Variants in AFF4 observed in about 807,000 individuals in gnomAD.
The protein encoded by AFF4 is ALF transcription elongation factor 4.
In AFF4, 13 loss-of-function variants were observed where a neutral mutation model predicts 124.8. The ratio of observed to expected loss-of-function variants is 0.10; its 90% CI spans 0.07 to 0.17. The LOEUF (loss-of-function observed/expected upper bound fraction) is 0.17. Among genes scored for constraint, AFF4 ranks in the 10% least tolerant of loss-of-function variants. AFF4 has a pLI of 1.00. For synonymous variants in AFF4, 477 were observed against 496.1 expected, an observed-to-expected ratio of 0.96 and a Z score of 0.51; for missense variants, 1,092 against 1,403.8, an observed-to-expected ratio of 0.78 and a Z score of 3.55.
At chr5:132,949,847 CAAAAAAAAAA>C (rs113489900) in intron 1 of AFF4, among the ~76,000 whole-genome samples, 1 of 100,200 alleles carries the variant, frequency 1.0e-5, no homozygotes, top group African/African-American at 3.4e-5. Flanking sequence ...GACTCTGTCT[CAAAAAAAAAA>C]AAAAAAAAAA....
intron 5 of AFF4, among the ~76,000 whole-genome samples, chr5:132,916,338 G>A (rs1302096977): frequency 2.6e-5 from 4 of 151,562 alleles, no homozygotes; most frequent in Non-Finnish European, 4.4e-5. Flanking sequence ...TTAGACAGGA[G>A]GATTGCTTTA....
In AFF4 at chr5:132,949,539, C is replaced by T. The variant is rs890300037; in HGVS notation, c.-4-12346G>A. ...AAAAATGTAAAAATTAGGCCAGGCA[C>T]GGTGCCTCAAGCCTGTAATCCCAGC... On this transcript the variant is annotated intron_variant, in intron 1 of 20. Transcript: ENST00000265343. Among the ~76,000 whole-genome samples the T allele has an allele frequency of 6.6e-5, 10 of 151,964 alleles. No individual in the cohort carries two copies. The East Asian group carries it at 1.2e-3, about 18-fold the overall frequency.
intron 9 of AFF4, 41 bp downstream of exon 9, chr5:132,899,063 C>T (rs1340174297): frequency 6.3e-7 from 1 of 1,587,760 alleles, no homozygotes; most frequent in Admixed American, 1.7e-5. Flanking sequence ...TCAGGCTGAC[C>T]CAACTCTTAC....
intron 5 of AFF4, among the ~76,000 whole-genome samples, chr5:132,905,123 C>T (rs1331198699): frequency 6.6e-6 from 1 of 151,504 alleles, no homozygotes; most frequent in Non-Finnish European, 1.5e-5. Context: ...TGTCATTTTA[C>T]TCCCTCCTTC....
At position 132,931,544 on chromosome 5, in the gene AFF4, C is replaced by T. The variant is rs187844397; in HGVS notation, c.963+634G>A. On this transcript the variant is annotated intron_variant, in intron 4 of 20. Coordinates refer to ENST00000265343, the MANE Select transcript of AFF4 (RefSeq NM_014423.4). The stretch of plus-strand genomic sequence containing the variant: ...ATCATAATGGTTTGACTGATAACTA[C>T]TGAGTTTTTTGCACTTCAAATTATT... Among the ~76,000 whole-genome samples the T allele has an allele frequency of 7.9e-4, 121 of 152,352 alleles. 1 individual carries two copies. Among genetic ancestry groups the T allele is most frequent in the African/African-American group, 2.8e-3 (115 of 41,588 alleles).
At chr5:132,959,767 T>TC (rs1350713554) in intron 1 of AFF4, among the ~76,000 whole-genome samples, 1 of 137,862 alleles carries the variant, frequency 7.3e-6, no homozygotes, top group African/African-American at 2.8e-5. Context: ...CTTTTTTTTT[T>TC]TTTTTTTTTT....
At chr5:132,951,045 CA>C (rs1269023324) in intron 1 of AFF4, among the ~76,000 whole-genome samples, 2 of 152,110 alleles carry the variant, frequency 1.3e-5, no homozygotes, top group African/African-American at 2.4e-5. Flanking sequence ...GCCAACATGG[CA>C]AAACCCTGTC....
At chr5:132,938,938 T>C (rs1224654607) in intron 1 of AFF4, among the ~76,000 whole-genome samples, 6 of 41,732 alleles carry the variant, frequency 1.4e-4, no homozygotes, top group African/African-American at 5.4e-4. Context: ...GAGAGACTCA[T>C]CTCAAAAAAA....
intron 5 of AFF4, among the ~76,000 whole-genome samples, chr5:132,907,503 C>G (rs981308724): frequency 6.6e-6 from 1 of 152,130 alleles, no homozygotes; most frequent in East Asian, 1.9e-4. Context: ...TGCAAGTACT[C>G]ACGCAAATCA....
At chr5:132,914,562 C>T (rs1264947112) in intron 5 of AFF4, among the ~76,000 whole-genome samples, 3 of 151,584 alleles carry the variant, frequency 2.0e-5, no homozygotes, top group East Asian at 3.9e-4. Context: ...GATCACGCCA[C>T]TGCACTCCAG....
At chr5:132,893,580 C>T (rs1054146406) in intron 11 of AFF4, among the ~76,000 whole-genome samples, 6 of 152,084 alleles carry the variant, frequency 3.9e-5, no homozygotes, top group Non-Finnish European at 8.8e-5. Flanking sequence ...TGCAGTGGCA[C>T]GATCTCAGCT....
chr5:132,944,798 C>T (rs1338226088), intron 1 of AFF4, among the ~76,000 whole-genome samples: 1 of 151,590 alleles, frequency 6.6e-6, no homozygotes, highest in Admixed American at 6.6e-5. Context: ...AGCATGGTGG[C>T]AGGCGCCTGT....
At chr5:132,952,811 T>C (rs989025917) in intron 1 of AFF4, among the ~76,000 whole-genome samples, 7 of 152,004 alleles carry the variant, frequency 4.6e-5, no homozygotes, top group Non-Finnish European at 8.8e-5. Context: ...GGCATGAGAA[T>C]CACTTGAACC....
intron 1 of AFF4, among the ~76,000 whole-genome samples, chr5:132,954,723 A>G (rs1761916128): frequency 6.6e-6 from 1 of 151,110 alleles, no homozygotes; most frequent in Non-Finnish European, 1.5e-5. Flanking sequence ...AATTTTTTGT[A>G]TTTTTAGTAG....
At position 132,932,239 on chromosome 5, in the gene AFF4, G is replaced by A. The variant is rs1201028967; in HGVS notation, c.919-17C>T. 5 of 1,599,156 alleles carry A rather than the reference G, an allele frequency of 3.1e-6. No individual in the cohort carries two copies. The highest frequency in any genetic ancestry group is 2.2e-5 in the East Asian group (1 of 44,468). ...AGCTGATGCCTTGAAAGAAAAAGCA[G>A]CACACATTAGATTTTTATCAGTAGA... On this transcript the variant is annotated splice_polypyrimidine_tract_variant and intron_variant, in intron 3 of 20. Coordinates refer to ENST00000265343, the MANE Select transcript of AFF4 (RefSeq NM_014423.4).
Position 132,906,796 on chromosome 5 carries a change from TTTG to T in AFF4, c.1051-2395_1051-2393del, listed in dbSNP as rs201093810. On this transcript the variant is annotated intron_variant, in intron 5 of 20. Coordinates refer to ENST00000265343, the MANE Select transcript of AFF4 (RefSeq NM_014423.4). ...TGGGCAAGAGGTCACTTTTGTGACT[TTTG>T]TTTAAAATGAAGATTCCAGGATGGG... 8.3e-4 allele frequency among the ~76,000 whole-genome samples: 124 copies of T among 149,090 alleles called. No individual in the cohort carries two copies. The East Asian group carries it at 0.021, about 25-fold the overall frequency.
At chr5:132,913,903 G>T (rs1335964088) in intron 5 of AFF4, among the ~76,000 whole-genome samples, 1 of 152,056 alleles carries the variant, frequency 6.6e-6, no homozygotes, top group Admixed American at 6.6e-5. Flanking sequence ...CCAAATATTT[G>T]GGAACCAACA....
At position 132,932,158 on chromosome 5, in the gene AFF4, ATTTT is replaced by A. The variant is rs56817345; in HGVS notation, c.963+16_963+19del. On this transcript the variant is annotated intron_variant, in intron 4 of 20. Coordinates refer to ENST00000265343, the MANE Select transcript of AFF4 (RefSeq NM_014423.4). Reference sequence around the variant, plus strand: ...ATAAAAAATTAAAGAAATTGAAATGATTTTTTTTAAAAAACTTACTTTTAGGATT... The same window carrying A: ...ATAAAAAATTAAAGAAATTGAAATGATTTTAAAAAACTTACTTTTAGGATT... 2 of 1,559,658 alleles carry A rather than the reference ATTTT, an allele frequency of 1.3e-6. No individual in the cohort carries two copies. Among genetic ancestry groups the A allele is most frequent in the South Asian group, 2.4e-5 (2 of 82,610 alleles).
intron 1 of AFF4, among the ~76,000 whole-genome samples, chr5:132,940,270 C>G (rs969040445): frequency 6.6e-6 from 1 of 151,516 alleles, no homozygotes. Flanking sequence ...GTGGCGGAGG[C>G]GGGCAGATCA....
Sources: allele counts gnomAD v4.1 joint callset (sites outside exome capture counted in the v4.1 genomes callset), GRCh38; gene constraint gnomAD v4.1.1; transcripts MANE v1.5; gene names NCBI Gene and HGNC (gene_info 2026-07-23, HGNC 2026-07-21).